FGF13: variants seen among roughly 807,000 people sequenced by gnomAD.
The protein encoded by FGF13 is fibroblast growth factor homologous factor 2.
FGF13 carries 2 observed loss-of-function variants against 19.5 expected under a neutral mutation model. The ratio of observed to expected loss-of-function variants is 0.10; its 90% CI spans 0.04 to 0.32. The LOEUF (loss-of-function observed/expected upper bound fraction) is 0.32, where lower values mean the gene tolerates loss of function less well. FGF13 is among the 10% of genes least tolerant of loss of function. FGF13 has a pLI of 1.00. For synonymous variants in FGF13, 72 were observed against 76.9 expected (o/e 0.94, Z 0.33); for missense variants, 113 against 192.7 (o/e 0.59, Z 2.45).
intron 1 of FGF13, among the ~76,000 whole-genome samples, chrX:139,151,849 G>C (rs2083936896): frequency 9.0e-6 from 1 of 111,507 alleles, no homozygotes; most frequent in South Asian, 3.7e-4. Context: ...AATCCTTCAT[G>C]TTATAAAAAG....
At chrX:138,756,389 G>C (rs780414174) in intron 3 of FGF13, among the ~76,000 whole-genome samples, 2 of 112,473 alleles carry the variant, frequency 1.8e-5, no homozygotes, top group Admixed American at 1.9e-4. Flanking sequence ...GGTGGGAGGA[G>C]TCTGCCTGGG....
At chrX:139,080,999 C>T (rs1285638408) in intron 1 of FGF13, among the ~76,000 whole-genome samples, 2 of 111,006 alleles carry the variant, frequency 1.8e-5, no homozygotes, top group Admixed American at 9.6e-5. Context: ...TCCTTGACTA[C>T]GCATTCTCCC....
chrX:139,036,137 T>A (rs1170457858), intron 1 of FGF13, among the ~76,000 whole-genome samples: 1 of 111,945 alleles, frequency 8.9e-6, no homozygotes, highest in Non-Finnish European at 1.9e-5. Context: ...ATTTTGACCT[T>A]TGCCAATGCA....
intron 1 of FGF13, among the ~76,000 whole-genome samples, chrX:138,881,464 G>A (rs1250348421): frequency 8.9e-6 from 1 of 111,819 alleles, no homozygotes; most frequent in Non-Finnish European, 1.9e-5. Context: ...TCTATGTTAT[G>A]GAAGTGTTTG....
rs1466491976 is a variant in FGF13, at chrX:138,838,375, T to TA, written c.217+19136dup. Among the ~76,000 whole-genome samples the TA allele has an allele frequency of 1.5e-4, 17 of 112,087 alleles. 1 individual carries two copies. Among genetic ancestry groups the TA allele is most frequent in the African/African-American group, 5.2e-4 (16 of 30,827 alleles). The stretch of plus-strand genomic sequence containing the variant: ...GGGTCTCCACATGTGCCTGAGTGGC[T>TA]ACTCTGCAGAAACTCCGTGTAGCTC... On this transcript the variant is annotated intron_variant, in intron 3 of 6. Transcript: ENST00000436198.
intron 3 of FGF13, chrX:138,806,666 T>G (rs2090870545): frequency 8.9e-6 from 1 of 111,997 alleles, no homozygotes; most frequent in African/African-American, 3.3e-5. Flanking sequence ...AAGAGGAGCT[T>G]GACTGGCACA....
intron 1 of FGF13, among the ~76,000 whole-genome samples, chrX:139,023,706 A>C (rs761054251): frequency 9.0e-6 from 1 of 111,501 alleles, no homozygotes; most frequent in East Asian, 2.8e-4. Flanking sequence ...TATACTGAAT[A>C]TCATGCGGTA....
intron 3 of FGF13, among the ~76,000 whole-genome samples, chrX:138,811,279 G>A (rs1308850917): frequency 9.0e-6 from 1 of 111,331 alleles, no homozygotes; most frequent in Non-Finnish European, 1.9e-5. Flanking sequence ...AAAAGGATGA[G>A]TTCATGTCCT....
chrX:138,673,216 TA>T (rs1187265300), intron 3 of FGF13, among the ~76,000 whole-genome samples: 3 of 111,396 alleles, frequency 2.7e-5, no homozygotes, highest in African/African-American at 9.8e-5. Context: ...AATAAAGGAA[TA>T]TTTTTTCTCA....
chrX:139,048,276 T>A (rs2092294019), intron 1 of FGF13, among the ~76,000 whole-genome samples: 1 of 111,509 alleles, frequency 9.0e-6, no homozygotes, highest in Non-Finnish European at 1.9e-5. Context: ...ATGCAGCAGA[T>A]TCCCACAAAT....
chrX:138,822,650 C>T (rs1275780081), intron 3 of FGF13, among the ~76,000 whole-genome samples: 3 of 112,093 alleles, frequency 2.7e-5, no homozygotes, highest in Non-Finnish European at 5.6e-5. Context: ...GCAACAGATA[C>T]AGGAATCCGA....
intron 1 of FGF13, among the ~76,000 whole-genome samples, chrX:139,090,297 A>G (rs2124448859): frequency 9.0e-6 from 1 of 111,703 alleles, no homozygotes; most frequent in African/African-American, 3.3e-5. Context: ...AGTAAATCAC[A>G]AAGTCAGGAT....
intron 3 of FGF13, among the ~76,000 whole-genome samples, chrX:138,640,910 T>A (rs1488097471): frequency 8.9e-6 from 1 of 111,825 alleles, no homozygotes; most frequent in Non-Finnish European, 1.9e-5. Flanking sequence ...AGGATTGCCA[T>A]GCAGACTGTA....
intron 1 of FGF13, among the ~76,000 whole-genome samples, chrX:139,091,034 T>A (rs1372220590): frequency 9.3e-5 from 10 of 108,004 alleles, no homozygotes; most frequent in African/African-American, 3.4e-4. Flanking sequence ...TTGAGAGAAC[T>A]GGGGTGTCAA....
At chrX:138,786,277 G>A (rs1313946458) in intron 3 of FGF13, among the ~76,000 whole-genome samples, 1 of 111,186 alleles carries the variant, frequency 9.0e-6, no homozygotes, top group Non-Finnish European at 1.9e-5. Context: ...AACTAGTCCT[G>A]TAGGAAAAGC....
rs890359451 is a variant in FGF13 at position 139,029,312 on chromosome X, G to A, written c.-112-164662C>T. ...CTCTCTAAACCAGGGTGAGAAAACC[G>A]TCCTTATTACCAGACACTTGGAATT... On this transcript the variant is annotated intron_variant, in intron 1 of 2. Transcript: ENST00000421460. Among the ~76,000 whole-genome samples the A allele has an allele frequency of 1.9e-4, 21 of 111,580 alleles. 1 individual carries two copies. The highest frequency in any genetic ancestry group is 1.7e-3 in the Admixed American group (18 of 10,515).
At chrX:138,973,854 C>T (rs1447789074) in intron 1 of FGF13, among the ~76,000 whole-genome samples, 1 of 111,661 alleles carries the variant, frequency 9.0e-6, no homozygotes, top group Non-Finnish European at 1.9e-5. Flanking sequence ...ATCTTTTCTC[C>T]TTCCTTTACT....
chrX:139,043,937 A>G (rs186193423), intron 1 of FGF13, among the ~76,000 whole-genome samples: 221 of 111,860 alleles, frequency 2.0e-3, no homozygotes, highest in Non-Finnish European at 3.0e-3. Flanking sequence ...ACAGAGATAA[A>G]ATAGATTAGA....
At chrX:139,122,913 C>T (rs550950136) in intron 1 of FGF13, among the ~76,000 whole-genome samples, 215 of 111,719 alleles carry the variant, frequency 1.9e-3, no homozygotes, top group African/African-American at 6.8e-3. Flanking sequence ...CCACATAATT[C>T]TTTGTTGTGA....
Sources: allele counts gnomAD v4.1 joint callset (sites outside exome capture counted in the v4.1 genomes callset), GRCh38; gene constraint gnomAD v4.1.1; transcripts MANE v1.5; gene names NCBI Gene and HGNC (gene_info 2026-07-23, HGNC 2026-07-21).